The following PDE7B variants were observed in gnomAD, a reference collection of about 807,000 sequenced individuals.
PDE7B encodes the protein 3',5'-cyclic-AMP phosphodiesterase 7B.
Under a neutral mutation model 56.2 loss-of-function variants are expected in PDE7B, and 29 were observed. The ratio of observed to expected loss-of-function variants is 0.52; its 90% CI spans 0.38 to 0.70. PDE7B has a LOEUF of 0.70. Ranked by LOEUF, PDE7B falls within the 30% of genes least tolerant of loss-of-function variation. PDE7B has a pLI of 0.00. For missense variants in PDE7B, 490 were observed against 565.0 expected, an observed-to-expected ratio of 0.87 and a Z score of 1.35; for synonymous variants, 197 against 196.9, an observed-to-expected ratio of 1.00 and a Z score of 0.00.
At chr6:136,017,678 G>A (rs994500823) in intron 2 of PDE7B, among the ~76,000 whole-genome samples, 4 of 152,066 alleles carry the variant, frequency 2.6e-5, no homozygotes, top group African/African-American at 7.2e-5. Context: ...GGATTTGTTG[G>A]TCTTTTTTCT....
At chr6:136,123,101 C>CG (rs1777965865) in intron 3 of PDE7B, among the ~76,000 whole-genome samples, 1 of 152,224 alleles carries the variant, frequency 6.6e-6, no homozygotes, top group Non-Finnish European at 1.5e-5. Flanking sequence ...TGGCTAATCC[C>CG]GCACTTTGGG....
intron 9 of PDE7B, among the ~76,000 whole-genome samples, chr6:136,177,484 C>A (rs1778996874): frequency 6.6e-6 from 1 of 151,882 alleles, no homozygotes; most frequent in Non-Finnish European, 1.5e-5. Context: ...ATAGAGTAGA[C>A]AAAAACTAGA....
At chr6:136,024,117 TAG>T (rs1776113228) in intron 2 of PDE7B, among the ~76,000 whole-genome samples, 2 of 152,314 alleles carry the variant, frequency 1.3e-5, no homozygotes, top group Middle Eastern at 6.8e-3. Flanking sequence ...AATGGGTTTC[TAG>T]AGATTTAGGG....
At chr6:135,885,837 A>C (rs1017793455) in intron 1 of PDE7B, among the ~76,000 whole-genome samples, 22 of 152,204 alleles carry the variant, frequency 1.4e-4, no homozygotes, top group African/African-American at 4.6e-4. Flanking sequence ...ATGGAAAAGC[A>C]AAGCTGAGTC....
intron 2 of PDE7B, among the ~76,000 whole-genome samples, chr6:136,026,071 G>C (rs370132375): frequency 1.3e-5 from 2 of 152,226 alleles, no homozygotes; most frequent in East Asian, 1.9e-4. Context: ...CCCAAGAATC[G>C]AGGTCAGAGA....
chr6:136,146,548 T>G (rs1023408962), intron 3 of PDE7B, among the ~76,000 whole-genome samples: 1 of 152,200 alleles, frequency 6.6e-6, no homozygotes, highest in Non-Finnish European at 1.5e-5. Context: ...TGCAAGATTA[T>G]TGATTCCTTT....
chr6:136,190,999 AG>A (rs1433492555), intron 12 of PDE7B, among the ~76,000 whole-genome samples: 2 of 124,704 alleles, frequency 1.6e-5, no homozygotes, highest in Non-Finnish European at 3.0e-5. Context: ...TGCCTTCTTT[AG>A]CTCCAGCATA....
At chr6:135,956,958 C>A (rs1484746094) in intron 2 of PDE7B, among the ~76,000 whole-genome samples, 1 of 152,090 alleles carries the variant, frequency 6.6e-6, no homozygotes, top group Non-Finnish European at 1.5e-5. Flanking sequence ...GACAGTACCT[C>A]TCAAAGTCTG....
chr6:136,153,268 T>G (rs933927439), intron 6 of PDE7B, among the ~76,000 whole-genome samples: 1 of 152,228 alleles, frequency 6.6e-6, no homozygotes, highest in Non-Finnish European at 1.5e-5. Flanking sequence ...GACAACAGAA[T>G]TAACACTGTA....
At chr6:136,043,575 C>CAAAAAAAAAAA (rs34337621) in intron 2 of PDE7B, among the ~76,000 whole-genome samples, 2 of 106,844 alleles carry the variant, frequency 1.9e-5, no homozygotes, top group Non-Finnish European at 3.7e-5. Flanking sequence ...GACATAATAG[C>CAAAAAAAAAAA]AAAAAAAAAA....
chr6:135,935,163 CAG>C (rs538190106), intron 1 of PDE7B, among the ~76,000 whole-genome samples: 1,759 of 56,286 alleles, frequency 0.031, 260 homozygotes, highest in African/African-American at 0.14. Context: ...ATATATGAGA[CAG>C]AGAATTTTAT....
At chr6:136,146,703 C>T (rs1354812408) in intron 3 of PDE7B, among the ~76,000 whole-genome samples, 1 of 152,132 alleles carries the variant, frequency 6.6e-6, no homozygotes, top group African/African-American at 2.4e-5. Flanking sequence ...AGTCTCAATT[C>T]TGCTGTAGTA....
chr6:136,019,492 C>T (rs1583831697), intron 2 of PDE7B, among the ~76,000 whole-genome samples: 3 of 152,136 alleles, frequency 2.0e-5, no homozygotes, highest in African/African-American at 4.8e-5. Flanking sequence ...ACAGGCACTA[C>T]CAAATATGCT....
intron 1 of PDE7B, among the ~76,000 whole-genome samples, chr6:135,859,651 T>C (rs1250162236): frequency 6.6e-6 from 1 of 152,052 alleles, no homozygotes; most frequent in Non-Finnish European, 1.5e-5. Flanking sequence ...TCATTGAATA[T>C]GTTGCCCCAA....
intron 2 of PDE7B, among the ~76,000 whole-genome samples, chr6:136,085,294 C>T (rs1162157388): frequency 6.6e-6 from 1 of 152,082 alleles, no homozygotes; most frequent in Non-Finnish European, 1.5e-5. Flanking sequence ...TGTTTCCTGC[C>T]GAATCACTCA....
chr6:135,951,258 A>G (rs1774694092), intron 2 of PDE7B, among the ~76,000 whole-genome samples: 1 of 152,190 alleles, frequency 6.6e-6, no homozygotes, highest in Non-Finnish European at 1.5e-5. Context: ...ACTCAAGTTC[A>G]AATTGGCCTC....
Position 136,108,908 on chromosome 6 carries a change from G to T in PDE7B, c.166+94G>T, listed in dbSNP as rs1266067733. 3.7e-6 allele frequency: 3 copies of T among 814,244 alleles called. No individual in the cohort carries two copies. The Admixed American group carries it at 5.5e-5, about 15-fold the overall frequency. The allele number at this position is 814,244 out of a possible 1,614,324, so 50.4% of individuals were successfully genotyped here. A position where few individuals can be genotyped will look rare whatever the true frequency, so the allele number is the denominator to read the frequency against. On this transcript the variant is annotated intron_variant, in intron 3 of 12. Transcript: ENST00000308191. The stretch of plus-strand genomic sequence containing the variant: ...TCCCTCTGAACTTCGAAACCTTCTG[G>T]GGTCTGCCTTCCTTCCTGAATCTCT...
At chr6:135,904,691 A>G (rs1489050971) in intron 1 of PDE7B, among the ~76,000 whole-genome samples, 1 of 152,112 alleles carries the variant, frequency 6.6e-6, no homozygotes, top group African/African-American at 2.4e-5. Context: ...ACTTTTAGTC[A>G]TAGCATCGAC....
chr6:135,978,415 A>G (rs1055393937), intron 2 of PDE7B, among the ~76,000 whole-genome samples: 1 of 152,116 alleles, frequency 6.6e-6, no homozygotes, highest in Non-Finnish European at 1.5e-5. Flanking sequence ...AAGACCGAGA[A>G]TGTTACTGTA....
Sources: allele counts gnomAD v4.1 joint callset (sites outside exome capture counted in the v4.1 genomes callset), GRCh38; gene constraint gnomAD v4.1.1; transcripts MANE v1.5; gene names NCBI Gene and HGNC (gene_info 2026-07-23, HGNC 2026-07-21).